The following TRPS1 variants were observed in gnomAD, a reference collection of about 807,000 sequenced individuals.
TRPS1 encodes the protein transcriptional repressor GATA binding 1.
A neutral mutation model predicts 101.2 loss-of-function variants in TRPS1; 6 were observed. That is an observed-to-expected ratio of 0.06 (90% CI 0.03 to 0.12). TRPS1 has a LOEUF of 0.12. TRPS1 is among the 10% of genes least tolerant of loss of function. The pLI, the probability that TRPS1 is intolerant of heterozygous loss-of-function variation, is 1.00. For missense variants in TRPS1, 1,363 were observed against 1,567.0 expected (o/e 0.87, Z 2.20); for synonymous variants, 578 against 589.8 (o/e 0.98, Z 0.29).
chr8:115,498,487 A>T (rs1034369908), intron 5 of TRPS1, among the ~76,000 whole-genome samples: 2 of 145,474 alleles, frequency 1.4e-5, no homozygotes, highest in African/African-American at 5.0e-5. Flanking sequence ...GAATATTTCC[A>T]ACAAAAACAC....
At chr8:115,529,751 T>C (rs1448321419) in intron 5 of TRPS1, among the ~76,000 whole-genome samples, 1 of 152,106 alleles carries the variant, frequency 6.6e-6, no homozygotes, top group Non-Finnish European at 1.5e-5. Flanking sequence ...GCCCACTATA[T>C]TGAGCAGAAC....
At chr8:115,588,108 G>C (rs937543510) in intron 4 of TRPS1, among the ~76,000 whole-genome samples, 5 of 152,100 alleles carry the variant, frequency 3.3e-5, no homozygotes, top group South Asian at 2.1e-4. Context: ...TTTTCCCCCT[G>C]TAGATACACT....
In TRPS1 at chr8:115,410,642, T is replaced by C. The variant is rs1186901666; in HGVS notation, c.*3381A>G. 6.6e-6 allele frequency: 1 copy of C among 152,556 alleles called. No individual in the cohort carries two copies. Among genetic ancestry groups the C allele is most frequent in the Non-Finnish European group, 1.5e-5 (1 of 68,010 alleles). 9.5% of individuals were successfully genotyped at this position (152,556 alleles called of 1,614,324 possible). A position where few individuals can be genotyped will look rare whatever the true frequency, so the allele number is the denominator to read the frequency against. Reference sequence around the variant, plus strand: ...CGTTCTGAGATGGGTTGGCTCTTTATGATTTTTCTATCCCAAACAACAGAA... The same window carrying C: ...CGTTCTGAGATGGGTTGGCTCTTTACGATTTTTCTATCCCAAACAACAGAA... On this transcript the variant is annotated 3_prime_UTR_variant, in exon 7 of 7. Transcript: ENST00000395715.
intron 5 of TRPS1, among the ~76,000 whole-genome samples, chr8:115,479,625 C>G (rs776252903): frequency 1.3e-5 from 2 of 152,058 alleles, no homozygotes; most frequent in East Asian, 3.9e-4. Flanking sequence ...TCTAAATATT[C>G]CCCTTTTCAT....
intron 1 of TRPS1, chr8:115,637,203 G>C (rs1354106000): frequency 2.1e-6 from 2 of 953,132 alleles, no homozygotes; most frequent in African/African-American, 3.6e-5. Flanking sequence ...AAGAAACAGA[G>C]AAGAAGCTAG....
In TRPS1 at chr8:115,604,182, T is replaced by C; in HGVS notation, c.1787A>G (p.Tyr596Cys). The change falls in exon 4 of 7, where the codon TAT becomes TGT. Residue 596 changes from tyrosine (Y) to cysteine (C), a missense_variant. Tyr to Cys is a radical substitution (Grantham distance 194). Coordinates refer to ENST00000395715, the MANE Select transcript of TRPS1 (RefSeq NM_014112.5). This position sits in a 1 kb window ranked among gnomAD's most constrained non-coding sequence, Gnocchi z 4.1. ...ATTACTTTTTCTACAAGCAAACGGATAAGTAATTTCTCCAAGGTGCTTTTC... is the reference window on the plus strand; with the variant it reads ...ATTACTTTTTCTACAAGCAAACGGACAAGTAATTTCTCCAAGGTGCTTTTC... The part of the protein sequence containing the change: ...SPEKHLGEIT[Y>C]PFACRKSNCS... 6.2e-7 allele frequency: 1 copy of C among 1,614,046 alleles called. No individual in the cohort carries two copies. Among genetic ancestry groups the C allele is most frequent in the Non-Finnish European group, 8.5e-7 (1 of 1,180,002 alleles).
intron 1 of TRPS1, among the ~76,000 whole-genome samples, chr8:115,666,926 T>C (rs1811935372): frequency 6.6e-6 from 1 of 152,220 alleles, no homozygotes; most frequent in African/African-American, 2.4e-5. Context: ...AAAAGTTCAA[T>C]GAATAGGCCT....
intron 3 of TRPS1, among the ~76,000 whole-genome samples, chr8:115,606,023 A>G (rs1319675960): frequency 6.6e-6 from 1 of 152,218 alleles, no homozygotes; most frequent in African/African-American, 2.4e-5. Flanking sequence ...TCCAACCACC[A>G]GGGAATTTTT....
At chr8:115,483,258 C>A (rs1814798774) in intron 5 of TRPS1, among the ~76,000 whole-genome samples, 1 of 152,092 alleles carries the variant, frequency 6.6e-6, no homozygotes, top group Non-Finnish European at 1.5e-5. Flanking sequence ...CTAGGCTGAG[C>A]ACGGTGTCTC....
chr8:115,555,879 G>A (rs551843552), intron 5 of TRPS1, among the ~76,000 whole-genome samples: 2 of 149,142 alleles, frequency 1.3e-5, no homozygotes, highest in African/African-American at 5.0e-5. Context: ...AAAAAAAAAA[G>A]CCAGGCATGG....
At chr8:115,460,319 C>A in intron 5 of TRPS1, among the ~76,000 whole-genome samples, 1 of 151,980 alleles carries the variant, frequency 6.6e-6, no homozygotes, top group East Asian at 1.9e-4. Context: ...CACACACACA[C>A]ACACACCCCA....
rs569940055 is a variant in TRPS1 at position 115,555,846 on chromosome 8, T to TACAA, written c.2700+31151_2700+31154dup. On this transcript the variant is annotated intron_variant, in intron 5 of 6. Transcript: ENST00000395715. ...GGTAAAATCTCGTCTCTACAAAAAA[T>TACAA]ACAAACAAACAAACAAACAAACAAA... Among the ~76,000 whole-genome samples the TACAA allele has an allele frequency of 1.2e-3, 161 of 135,708 alleles. 1 individual carries two copies. The South Asian group carries it at 0.022, about 19-fold the overall frequency. 89.0% of individuals were successfully genotyped at this position (135,708 alleles called of 152,430 possible).
intron 5 of TRPS1, among the ~76,000 whole-genome samples, chr8:115,555,901 G>A (rs1816807932): frequency 6.6e-6 from 1 of 151,934 alleles, no homozygotes; most frequent in South Asian, 2.1e-4. Context: ...GGCTTGCTAT[G>A]TAGTCCCAGC....
chr8:115,578,402 A>T (rs886362220), intron 5 of TRPS1, among the ~76,000 whole-genome samples: 6 of 152,150 alleles, frequency 3.9e-5, no homozygotes, highest in Admixed American at 3.9e-4. Context: ...AATATACTAC[A>T]TGAAATTATC....
chr8:115,421,581 T>C (rs917809120), intron 5 of TRPS1, among the ~76,000 whole-genome samples: 5 of 152,154 alleles, frequency 3.3e-5, no homozygotes, highest in African/African-American at 1.2e-4. Flanking sequence ...AGGAGCAAGC[T>C]TGCATGGGGG....
At position 115,507,008 on chromosome 8, in the gene TRPS1, G is replaced by A. The variant is rs537082260; in HGVS notation, c.2700+79993C>T. ...AATGATTTGGGTTAAAAATAAAGAT[G>A]GCTTAGTTTTATCTCCCTTACAGTA... On this transcript the variant is annotated intron_variant, in intron 5 of 6. Transcript: ENST00000395715. Among the ~76,000 whole-genome samples, 4 of 152,132 alleles carry A rather than the reference G, an allele frequency of 2.6e-5. 1 individual carries two copies. The South Asian group carries it at 8.3e-4, about 32-fold the overall frequency.
At chr8:115,668,326 C>G (rs959567199) in intron 1 of TRPS1, 4 of 157,746 alleles carry the variant, frequency 2.5e-5, no homozygotes, top group African/African-American at 1.0e-4. Flanking sequence ...TGGCTTTCTG[C>G]ACACTCTCCC....
intron 1 of TRPS1, among the ~76,000 whole-genome samples, chr8:115,645,214 CAT>C (rs1264312212): frequency 6.6e-6 from 1 of 151,984 alleles, no homozygotes; most frequent in African/African-American, 2.4e-5. Flanking sequence ...GAGGTAATTA[CAT>C]ATATATACAC....
At chr8:115,455,775 C>CTTTTTTTTTTT (rs386413741) in intron 5 of TRPS1, among the ~76,000 whole-genome samples, 9 of 119,990 alleles carry the variant, frequency 7.5e-5, no homozygotes, top group Non-Finnish European at 1.0e-4. Flanking sequence ...TTCTTTCTTT[C>CTTTTTTTTTTT]TTTTTTTTTT....
Sources: allele counts gnomAD v4.1 joint callset (sites outside exome capture counted in the v4.1 genomes callset), GRCh38; gene constraint gnomAD v4.1.1; non-coding constraint Gnocchi (gnomAD v3.1); transcripts MANE v1.5; gene names NCBI Gene and HGNC (gene_info 2026-07-23, HGNC 2026-07-21).